MGAT5: variants seen among roughly 807,000 people sequenced by gnomAD.
MGAT5 encodes the protein alpha-1,6-mannosylglycoprotein 6-beta-N-acetylglucosaminyltransferase A.
In MGAT5, 30 loss-of-function variants were observed where a neutral mutation model predicts 94.3. The observed-to-expected ratio is 0.32, with a 90% CI of 0.24 to 0.43. MGAT5 has a LOEUF of 0.43. MGAT5 is among the 20% of genes least tolerant of loss of function. The pLI is 1.00. For synonymous variants in MGAT5, 310 were observed against 322.9 expected (o/e 0.96, Z 0.43); for missense variants, 691 against 905.5 (o/e 0.76, Z 3.04).
At chr2:134,156,622 C>T (rs1284352824) in intron 1 of MGAT5, among the ~76,000 whole-genome samples, 1 of 152,224 alleles carries the variant, frequency 6.6e-6, no homozygotes, top group Non-Finnish European at 1.5e-5. Context: ...TCTAGACATG[C>T]TCCTTGTAAG....
intron 1 of MGAT5, among the ~76,000 whole-genome samples, chr2:134,238,392 T>C (rs1245874814): frequency 3.9e-5 from 6 of 152,168 alleles, no homozygotes; most frequent in Non-Finnish European, 7.3e-5. Context: ...TCATAGAGCA[T>C]AAAGTTAGGT....
chr2:134,221,668 A>G (rs1399662992), intron 1 of MGAT5, among the ~76,000 whole-genome samples: 1 of 152,196 alleles, frequency 6.6e-6, no homozygotes, highest in African/African-American at 2.4e-5. Flanking sequence ...TTTTGGGGTA[A>G]AACTTTTTTA....
intron 13 of MGAT5, among the ~76,000 whole-genome samples, chr2:134,427,113 A>G (rs897510439): frequency 3.3e-5 from 5 of 152,244 alleles, no homozygotes; most frequent in Admixed American, 3.3e-4. Context: ...TTGGCTGCCA[A>G]CTAAGGAATG....
Position 134,200,259 on chromosome 2 carries a change from G to A in MGAT5, c.-142-54003G>A, listed in dbSNP as rs528457936. Among the ~76,000 whole-genome samples, 5 of 151,504 alleles carry A rather than the reference G, an allele frequency of 3.3e-5. No homozygotes were observed. The East Asian group carries it at 7.8e-4, about 24-fold the overall frequency. Reference sequence around the variant, plus strand: ...TTGGTAAGGACACCATAGTGGTCACGCTTGAGGGGTTTAAACAGATTTTCT... The same window carrying A: ...TTGGTAAGGACACCATAGTGGTCACACTTGAGGGGTTTAAACAGATTTTCT... On this transcript the variant is annotated intron_variant, in intron 1 of 16. Transcript: ENST00000409645.
chr2:134,428,329 CCTT>C, intron 13 of MGAT5, 33 bp from the exon 14 acceptor site: 1 of 1,597,548 alleles, frequency 6.3e-7, no homozygotes, highest in Non-Finnish European at 8.6e-7. Flanking sequence ...TGTTCTCTGT[CCTT>C]CTCCTTCATG....
At chr2:134,194,722 G>C (rs777911013) in intron 1 of MGAT5, among the ~76,000 whole-genome samples, 1 of 152,152 alleles carries the variant, frequency 6.6e-6, no homozygotes, top group African/African-American at 2.4e-5. Context: ...CATTGAACCA[G>C]ATTGTGAAAT....
intron 1 of MGAT5, among the ~76,000 whole-genome samples, chr2:134,239,718 TA>T (rs985724636): frequency 2.0e-5 from 3 of 152,006 alleles, no homozygotes; most frequent in African/African-American, 7.2e-5. Context: ...TGGATGGATC[TA>T]GGGGGGCCGG....
chr2:134,129,736 T>G (rs1159722074), intron 1 of MGAT5, among the ~76,000 whole-genome samples: 1 of 152,100 alleles, frequency 6.6e-6, no homozygotes, highest in East Asian at 1.9e-4. Context: ...TTTTTTTACT[T>G]GTTCTGGCTT....
intron 1 of MGAT5, among the ~76,000 whole-genome samples, chr2:134,259,158 CTCTG>C (rs1453422671): frequency 6.6e-6 from 1 of 152,212 alleles, no homozygotes; most frequent in East Asian, 1.9e-4. Flanking sequence ...TGTGTATTAA[CTCTG>C]TCAGTCCAGA....
At chr2:134,127,499 C>G (rs1366466660) in intron 1 of MGAT5, among the ~76,000 whole-genome samples, 4 of 131,570 alleles carry the variant, frequency 3.0e-5, no homozygotes, top group South Asian at 3.2e-4. Context: ...AAGGTTTCCC[C>G]CCCCCCCAGG....
intron 2 of MGAT5, among the ~76,000 whole-genome samples, chr2:134,275,077 C>G (rs1684278750): frequency 6.6e-6 from 1 of 152,136 alleles, no homozygotes. Context: ...TATGTGTACC[C>G]ATGTCATCAG....
chr2:134,319,729 G>T, intron 4 of MGAT5: 2 of 417,278 alleles, frequency 4.8e-6, no homozygotes, highest in East Asian at 8.2e-5. Context: ...ATTCAATGTA[G>T]CTGAAGCTCC....
intron 1 of MGAT5, among the ~76,000 whole-genome samples, chr2:134,138,356 C>G (rs1686514071): frequency 6.6e-6 from 1 of 152,126 alleles, no homozygotes; most frequent in Admixed American, 6.5e-5. Flanking sequence ...TTTAATCCTA[C>G]TTTGTGGAGA....
chr2:134,313,071 CACACACACACACACACACACAT>C (rs1313858669), intron 2 of MGAT5, among the ~76,000 whole-genome samples: 8 of 145,622 alleles, frequency 5.5e-5, no homozygotes, highest in South Asian at 2.2e-4. Flanking sequence ...CACACACACA[CACACACACACACACACACACAT>C]ATCTGTCTGG....
Position 134,273,908 on chromosome 2 carries a change from C to T in MGAT5, c.406+3358C>T, listed in dbSNP as rs115549449. ...TTAAAATCCCCACCCTTCCACCAAT[C>T]ACACAGTAAATTAATTTCTCCATAT... On this transcript the variant is annotated intron_variant, in intron 2 of 15. Coordinates refer to ENST00000281923, the MANE Select transcript of MGAT5 (RefSeq NM_002410.5). Among the ~76,000 whole-genome samples, 1,010 of 152,302 alleles carry T rather than the reference C, an allele frequency of 6.6e-3. 17 individuals are homozygous for T. Among genetic ancestry groups the T allele is most frequent in the African/African-American group, 0.023 (954 of 41,568 alleles).
At chr2:134,419,762 C>T (rs182549181) in intron 12 of MGAT5, among the ~76,000 whole-genome samples, 1 of 152,268 alleles carries the variant, frequency 6.6e-6, no homozygotes, top group African/African-American at 2.4e-5. Context: ...AATAGCTCAG[C>T]ATTTTGTATT....
chr2:134,377,148 A>C (rs552208786), intron 10 of MGAT5, among the ~76,000 whole-genome samples: 1 of 152,326 alleles, frequency 6.6e-6, no homozygotes, highest in African/African-American at 2.4e-5. Context: ...TTAGCAAAAT[A>C]CCTCACAACC....
Position 134,293,309 on chromosome 2 carries a change from G to T in MGAT5, c.406+22759G>T, listed in dbSNP as rs1356023870. Reference sequence around the variant, plus strand: ...AGGCACTAGGCTGGTTACTTGTGCTGTGATTTTAGTATACGTATGCGAGGG... The same window carrying T: ...AGGCACTAGGCTGGTTACTTGTGCTTTGATTTTAGTATACGTATGCGAGGG... On this transcript the variant is annotated intron_variant, in intron 2 of 15. Coordinates refer to ENST00000281923, the MANE Select transcript of MGAT5 (RefSeq NM_002410.5). 5.3e-5 allele frequency among the ~76,000 whole-genome samples: 8 copies of T among 152,156 alleles called. 1 individual carries two copies. The highest frequency in any genetic ancestry group is 8.8e-5 in the Non-Finnish European group (6 of 68,024).
intron 1 of MGAT5, among the ~76,000 whole-genome samples, chr2:134,133,846 C>CAA (rs1686284967): frequency 6.6e-6 from 1 of 152,196 alleles, no homozygotes; most frequent in African/African-American, 2.4e-5. Context: ...CCTGCATTCT[C>CAA]ATGCTGATCC....
Sources: gnomAD v4.1 joint callset for allele counts (sites outside exome capture counted in the v4.1 genomes callset) on GRCh38, gnomAD v4.1.1 for gene constraint, MANE v1.5 for transcripts, NCBI Gene and HGNC (gene_info 2026-07-23, HGNC 2026-07-21) for gene names.